RP1: variants seen among roughly 807,000 people sequenced by gnomAD.
The protein encoded by RP1 is oxygen-regulated protein 1.
A neutral mutation model predicts 14.8 loss-of-function variants in RP1; 16 were observed. The ratio of observed to expected loss-of-function variants is 1.08; its 90% CI spans 0.73 to 1.65. RP1 has a LOEUF of 1.65. RP1 is among the 40% of genes most tolerant of loss of function. The pLI, the probability that RP1 is intolerant of heterozygous loss-of-function variation, is 0.00. For missense variants in RP1, 2,631 were observed against 2,535.0 expected (o/e 1.04, Z -0.81); for synonymous variants, 876 against 883.6 (o/e 0.99, Z 0.15).
chr8:54,673,822 T>A, intron 7 of RP1: 1 of 1,490,048 alleles, frequency 6.7e-7, no homozygotes, highest in Non-Finnish European at 9.0e-7. Flanking sequence ...ATAGTCTAGA[T>A]CTAATTATAC....
intron 6 of RP1, among the ~76,000 whole-genome samples, chr8:54,661,892 C>T (rs1309168559): frequency 4.6e-5 from 7 of 151,970 alleles, no homozygotes; most frequent in Admixed American, 4.6e-4. Flanking sequence ...GCTCTTGAGC[C>T]TCTTCAGTGA....
At chr8:54,710,894 C>G (rs533767894) in intron 15 of RP1, among the ~76,000 whole-genome samples, 2 of 152,218 alleles carry the variant, frequency 1.3e-5, no homozygotes, top group East Asian at 3.9e-4. Context: ...AGACATTATT[C>G]AGAAAGAAAC....
exon 10 of RP1, chr8:54,679,459 A>G: frequency 6.5e-7 from 1 of 1,535,986 alleles, no homozygotes. Context: ...AAATTGTCAG[A>G]GAACTGTATG....
chr8:54,765,568 AT>A lies in RP1; in HGVS notation c.3249-4170del, dbSNP rs559418927. Among the ~76,000 whole-genome samples the A allele has an allele frequency of 1.1e-3, 168 of 152,216 alleles. 2 individuals are homozygous for A. The highest frequency in any genetic ancestry group is 3.9e-3 in the African/African-American group (160 of 41,542). On this transcript the variant is annotated intron_variant, in intron 22 of 22. Transcript: ENST00000636932. ...AACATATTATCCCCCTACCTTGGCCATTTACCTTTCTAGGCTTTTCTTCCAA... is the reference window on the plus strand; with the variant it reads ...AACATATTATCCCCCTACCTTGGCCATTACCTTTCTAGGCTTTTCTTCCAA...
intron 7 of RP1, chr8:54,663,853 A>C: frequency 6.6e-7 from 1 of 1,520,174 alleles, no homozygotes; most frequent in Non-Finnish European, 8.8e-7. Flanking sequence ...GAGGACAAGT[A>C]AGCAAAATGC....
chr8:54,839,368 G>C (rs903594857), intron 25 of RP1, among the ~76,000 whole-genome samples: 1 of 152,144 alleles, frequency 6.6e-6, no homozygotes, highest in East Asian at 1.9e-4. Context: ...GCAGATAAGG[G>C]TAAACACATG....
intron 1 of RP1, among the ~76,000 whole-genome samples, chr8:54,599,364 T>C (rs1805219515): frequency 6.6e-6 from 1 of 152,196 alleles, no homozygotes; most frequent in Admixed American, 6.5e-5. Context: ...CCATTTGGAA[T>C]TGCTTGTTGA....
At chr8:54,670,511 ATATATG>A (rs1292623387) in intron 7 of RP1, among the ~76,000 whole-genome samples, 1 of 49,288 alleles carries the variant, frequency 2.0e-5, no homozygotes, top group African/African-American at 5.3e-5. Flanking sequence ...ATATACACAT[ATATATG>A]TATGTGTATA....
At chr8:54,771,939 A>G (rs1042273569), downstream of RP1, among the ~76,000 whole-genome samples, 1 of 152,080 alleles carries the variant, frequency 6.6e-6, no homozygotes, top group Non-Finnish European at 1.5e-5. Flanking sequence ...ATGCCCTTCT[A>G]TGTAGCTTTA....
At position 54,629,363 on chromosome 8, in the gene RP1, A is replaced by T. The variant is rs140138689; in HGVS notation, c.5481A>T (p.Ser1827=). The change falls in exon 4 of 4, where the codon TCA becomes TCT. Residue 1827 remains serine, a synonymous_variant. Coordinates refer to ENST00000220676, the MANE Select transcript of RP1 (RefSeq NM_006269.2). ...TTAACATGCCTCATGGTAGTGACTC[A>T]GAACCTTTTCATGAGGACTTGCTGG... ...NYFNMPHGSD[S]EPFHEDLLDV... The T allele has an allele frequency of 1.2e-6, 2 of 1,614,164 alleles. No individual in the cohort carries two copies. The highest frequency in any genetic ancestry group is 4.5e-5 in the East Asian group (2 of 44,874).
Position 54,848,818 on chromosome 8 carries a change from G to A in RP1, c.3836-3756G>A, listed in dbSNP as rs142426634. ...GGCTAGAGTGCAGTGGCACGATCTC[G>A]GCTCACTGCAACCTCCACCTCCTGG... is the stretch of plus-strand genomic sequence containing the variant. On this transcript the variant is annotated intron_variant, in intron 25 of 28. Transcript: ENST00000637698. Among the ~76,000 whole-genome samples the A allele has an allele frequency of 4.9e-3, 739 of 152,070 alleles. 6 individuals are homozygous for A. Among genetic ancestry groups the A allele is most frequent in the African/African-American group, 0.017 (695 of 41,458 alleles).
chr8:54,852,845 C>T, intron 26 of RP1: 1 of 704,926 alleles, frequency 1.4e-6, no homozygotes, highest in Non-Finnish European at 2.0e-6. Flanking sequence ...GTGAGGAATT[C>T]AGGGAGGTGT....
At chr8:54,672,591 T>C (rs1807202529) in intron 7 of RP1, among the ~76,000 whole-genome samples, 1 of 152,216 alleles carries the variant, frequency 6.6e-6, no homozygotes, top group Admixed American at 6.5e-5. Flanking sequence ...TCTGCCATCT[T>C]CTTGACATCT....
Position 54,627,892 on chromosome 8 carries a change from A to G in RP1, c.4010A>G (p.Asn1337Ser). 2 of 1,614,166 alleles carry G rather than the reference A, an allele frequency of 1.2e-6. No homozygotes were observed. Among genetic ancestry groups the G allele is most frequent in the Non-Finnish European group, 1.7e-6 (2 of 1,179,982 alleles). The change falls in exon 4 of 4, where the codon AAT (asparagine) becomes AGT (serine). Residue 1337 changes from asparagine (N) to serine (S), a missense_variant. Transcript: ENST00000220676. ...ATTGATGAGACCTACGTTCCTGTCA[A>G]TGTCTGCAATACCATTGACTTTTTA... ...CPIDETYVPV[N>S]VCNTIDFLNS...
At chr8:54,577,256 C>T (rs1277546823) in intron 1 of RP1, among the ~76,000 whole-genome samples, 2 of 152,092 alleles carry the variant, frequency 1.3e-5, no homozygotes, top group African/African-American at 4.8e-5. Flanking sequence ...CCTCAAGTGA[C>T]CTGCCCACCT....
At chr8:54,824,282 T>C (rs577266258) in intron 24 of RP1, among the ~76,000 whole-genome samples, 2 of 152,270 alleles carry the variant, frequency 1.3e-5, no homozygotes, top group African/African-American at 4.8e-5. Context: ...CCACAAACAA[T>C]TCTACCCATA....
chr8:54,827,842 A>T (rs1362554216), intron 24 of RP1, among the ~76,000 whole-genome samples: 1 of 151,564 alleles, frequency 6.6e-6, no homozygotes, highest in African/African-American at 2.4e-5. Context: ...AGGTAGCAGT[A>T]AGCTGAGATC....
intron 1 of RP1, chr8:54,561,892 A>G (rs1372618871): frequency 6.6e-6 from 1 of 152,252 alleles, no homozygotes; most frequent in Non-Finnish European, 1.5e-5. Context: ...AATAACAATA[A>G]TCAATGGAAA....
intron 17 of RP1, among the ~76,000 whole-genome samples, chr8:54,733,073 C>T (rs1185460332): frequency 6.6e-6 from 1 of 152,132 alleles, no homozygotes; most frequent in African/African-American, 2.4e-5. Context: ...AGAAGAAAAC[C>T]TCAGATGCTA....
Sources: gnomAD v4.1 joint callset for allele counts (sites outside exome capture counted in the v4.1 genomes callset) on GRCh38, gnomAD v4.1.1 for gene constraint, MANE v1.5 for transcripts, NCBI Gene and HGNC (gene_info 2026-07-23, HGNC 2026-07-21) for gene names.